Variants in SYT1 observed in about 807,000 individuals in gnomAD.
The protein encoded by SYT1 is synaptotagmin-1.
SYT1 carries 8 observed loss-of-function variants against 44.8 expected under a neutral mutation model. The ratio of observed to expected loss-of-function variants is 0.18; its 90% CI spans 0.10 to 0.32. The LOEUF (loss-of-function observed/expected upper bound fraction) is 0.32. Among genes scored for constraint, SYT1 ranks in the 10% least tolerant of loss-of-function variants. SYT1 has a pLI of 1.00. For synonymous variants in SYT1, 154 were observed against 188.8 expected (o/e 0.82, Z 1.51); for missense variants, 286 against 509.3 (o/e 0.56, Z 4.22).
At chr12:79,175,959 A>G (rs1871835463) in intron 3 of SYT1, among the ~76,000 whole-genome samples, 1 of 152,086 alleles carries the variant, frequency 6.6e-6, no homozygotes, top group Non-Finnish European at 1.5e-5. Context: ...GATTATTTTC[A>G]CACTATTGGT....
intron 8 of SYT1, among the ~76,000 whole-genome samples, chr12:79,308,609 AG>A (rs1337444223): frequency 0.021 from 1,079 of 52,348 alleles, 17 homozygotes; most frequent in African/African-American, 0.063. Flanking sequence ...AAAGAAAGAA[AG>A]AAAAAGAAAG....
At chr12:79,178,970 A>G (rs1206443963) in intron 3 of SYT1, among the ~76,000 whole-genome samples, 1 of 75,304 alleles carries the variant, frequency 1.3e-5, no homozygotes, top group African/African-American at 7.2e-5. Context: ...AGATATAGAT[A>G]TATAGATATA....
chr12:79,178,348 C>T (rs1485262168), intron 3 of SYT1, among the ~76,000 whole-genome samples: 3 of 151,878 alleles, frequency 2.0e-5, no homozygotes, highest in Non-Finnish European at 4.4e-5. Flanking sequence ...AGTCCATCAC[C>T]ATTATTTTTC....
At chr12:79,050,010 G>A (rs1874354982) in intron 3 of SYT1, among the ~76,000 whole-genome samples, 1 of 151,936 alleles carries the variant, frequency 6.6e-6, no homozygotes, top group African/African-American at 2.4e-5. Context: ...AAATACAGTT[G>A]ACTCTTGATC....
intron 3 of SYT1, among the ~76,000 whole-genome samples, chr12:79,206,271 C>T (rs1374846774): frequency 6.6e-6 from 1 of 152,024 alleles, no homozygotes; most frequent in African/African-American, 2.4e-5. Flanking sequence ...TTACTGTTGC[C>T]TCCAAAATCT....
intron 3 of SYT1, among the ~76,000 whole-genome samples, chr12:79,090,559 A>T (rs1003154104): frequency 6.6e-6 from 1 of 152,040 alleles, no homozygotes. Context: ...TCTAGATAAT[A>T]AGTTGGTTTA....
intron 1 of SYT1, among the ~76,000 whole-genome samples, chr12:78,898,558 A>G (rs1209004585): frequency 6.6e-6 from 1 of 152,100 alleles, no homozygotes; most frequent in Non-Finnish European, 1.5e-5. Context: ...ATAGACCAAC[A>G]ATCCATCAAG....
intron 2 of SYT1, among the ~76,000 whole-genome samples, chr12:78,986,129 C>T (rs1444694344): frequency 2.0e-5 from 3 of 152,062 alleles, no homozygotes; most frequent in East Asian, 1.9e-4. Context: ...TACATTCAAA[C>T]GGAAAATCTA....
chr12:79,330,203 C>G (rs1335971862), intron 8 of SYT1, among the ~76,000 whole-genome samples: 6 of 152,184 alleles, frequency 3.9e-5, no homozygotes, highest in Non-Finnish European at 7.3e-5. Flanking sequence ...TTGAGACGGT[C>G]ATTCAGGAAT....
At chr12:79,379,035 T>A (rs1242545903) in intron 9 of SYT1, among the ~76,000 whole-genome samples, 1 of 152,116 alleles carries the variant, frequency 6.6e-6, no homozygotes, top group Non-Finnish European at 1.5e-5. Flanking sequence ...TGGGGATGTG[T>A]TACCCTCTAA....
chr12:79,185,532 T>C (rs928529396), intron 3 of SYT1, among the ~76,000 whole-genome samples: 2 of 152,012 alleles, frequency 1.3e-5, no homozygotes, highest in African/African-American at 4.8e-5. Context: ...GCAGAAGGAA[T>C]GGTCTGAGTC....
At chr12:79,019,961 G>A (rs138463362) in intron 2 of SYT1, among the ~76,000 whole-genome samples, 50 of 151,960 alleles carry the variant, frequency 3.3e-4, no homozygotes, top group Admixed American at 6.6e-5. Flanking sequence ...AAGAGCTAAT[G>A]TAAAAACCTC....
At chr12:79,296,704 A>T (rs2293650) in intron 7 of SYT1, among the ~76,000 whole-genome samples, 34,804 of 152,084 alleles carry the variant, frequency 0.23, 4,996 homozygotes, top group East Asian at 0.45. Flanking sequence ...ATTCTTCTTA[A>T]CTAATCAATA....
intron 9 of SYT1, among the ~76,000 whole-genome samples, chr12:79,440,133 G>A (rs1265519022): frequency 1.3e-5 from 2 of 152,070 alleles, no homozygotes; most frequent in Non-Finnish European, 2.9e-5. Flanking sequence ...AGGGAGAATC[G>A]CTTGAACCTG....
intron 3 of SYT1, among the ~76,000 whole-genome samples, chr12:79,077,394 A>G (rs935299295): frequency 2.6e-5 from 4 of 152,124 alleles, no homozygotes; most frequent in African/African-American, 9.7e-5. Context: ...ACTGGATAGG[A>G]CCAAGGGAAG....
intron 9 of SYT1, among the ~76,000 whole-genome samples, chr12:79,434,929 C>T (rs182693650): frequency 1.8e-4 from 27 of 152,120 alleles, no homozygotes; most frequent in Admixed American, 4.6e-4. Flanking sequence ...GAGCTTACCC[C>T]CAATTCCAAA....
intron 4 of SYT1, among the ~76,000 whole-genome samples, chr12:79,271,399 A>G (rs1485813361): frequency 6.6e-6 from 1 of 152,182 alleles, no homozygotes; most frequent in Non-Finnish European, 1.5e-5. Flanking sequence ...CTGAAGCACT[A>G]AATTTGTATA....
At chr12:79,348,108 T>C (rs1300714075) in intron 8 of SYT1, among the ~76,000 whole-genome samples, 2 of 152,100 alleles carry the variant, frequency 1.3e-5, no homozygotes, top group African/African-American at 4.8e-5. Flanking sequence ...TCAGGCCTTT[T>C]AGTGTAAGGA....
intron 1 of SYT1, among the ~76,000 whole-genome samples, chr12:78,906,627 G>A (rs1198028471): frequency 6.6e-6 from 1 of 152,074 alleles, no homozygotes; most frequent in Non-Finnish European, 1.5e-5. Flanking sequence ...TGGAAGTCCT[G>A]GCCTCTTGTG....
Sources: gnomAD v4.1 joint callset for allele counts (sites outside exome capture counted in the v4.1 genomes callset) on GRCh38, gnomAD v4.1.1 for gene constraint, MANE v1.5 for transcripts, NCBI Gene and HGNC (gene_info 2026-07-23, HGNC 2026-07-21) for gene names.